Variants in KIF17 observed in about 807,000 individuals in gnomAD.
KIF17 encodes kinesin family member 17, also known as kinesin-like protein KIF17.
KIF17 carries 80 observed loss-of-function variants against 96.8 expected under a neutral mutation model. The ratio of observed to expected loss-of-function variants is 0.83; its 90% CI spans 0.69 to 1.00. The LOEUF (loss-of-function observed/expected upper bound fraction) is 1.00. Among genes scored for constraint, KIF17 ranks in the 50% least tolerant of loss-of-function variants. KIF17 has a pLI of 0.00. For missense variants in KIF17, 1,280 were observed against 1,372.9 expected, an observed-to-expected ratio of 0.93 and a Z score of 1.07; for synonymous variants, 567 against 587.5, an observed-to-expected ratio of 0.97 and a Z score of 0.51.
At chr1:20,712,462 G>A (rs1176966050) in intron 3 of KIF17, among the ~76,000 whole-genome samples, 9 of 148,596 alleles carry the variant, frequency 6.1e-5, no homozygotes, top group East Asian at 2.0e-4. Flanking sequence ...TACCGGGGGC[G>A]CTGAGGTGGA....
intron 4 of KIF17, among the ~76,000 whole-genome samples, chr1:20,705,148 G>A (rs1291041591): frequency 6.6e-6 from 1 of 152,204 alleles, no homozygotes; most frequent in African/African-American, 2.4e-5. Flanking sequence ...AGAACCCAGG[G>A]CAGGCTGTCT....
intron 4 of KIF17, among the ~76,000 whole-genome samples, chr1:20,708,178 C>G (rs1308287891): frequency 6.6e-6 from 1 of 152,148 alleles, no homozygotes; most frequent in African/African-American, 2.4e-5. Flanking sequence ...AGTATTGAGG[C>G]TGTGACCACT....
chr1:20,714,959 C>T (rs1397293340), intron 2 of KIF17, among the ~76,000 whole-genome samples: 5 of 152,180 alleles, frequency 3.3e-5, no homozygotes, highest in Non-Finnish European at 7.3e-5. Flanking sequence ...TCAGGGTTGT[C>T]CCCATCCGCC....
chr1:20,687,656 T>C lies in KIF17; in HGVS notation c.1670A>G (p.Glu557Gly). The change falls in exon 8 of 15, where the codon GAG becomes GGG. Residue 557 changes from glutamate to glycine, a missense_variant. Coordinates refer to ENST00000400463, the MANE Select transcript of KIF17 (RefSeq NM_001122819.3). The surrounding 1 kb of genome is among the most constrained non-coding windows in gnomAD (Gnocchi z 4.4). Reference sequence around the variant, plus strand: ...GGAGACCTCCACGTTGGAGGGCTCCTCAGGCCCAGGGAAAGCCTCGGACAC... The same window carrying C: ...GGAGACCTCCACGTTGGAGGGCTCCCCAGGCCCAGGGAAAGCCTCGGACAC... ...TSVSEAFPGP[E>G]EPSNVEVSMP... The C allele has an allele frequency of 6.2e-7, 1 of 1,614,158 alleles. No homozygotes were observed. The highest frequency in any genetic ancestry group is 1.1e-5 in the South Asian group (1 of 91,086).
At chr1:20,680,295 CA>C (rs1416524129) in intron 11 of KIF17, among the ~76,000 whole-genome samples, 2 of 152,122 alleles carry the variant, frequency 1.3e-5, no homozygotes, top group Non-Finnish European at 2.9e-5. Context: ...ACAAAGTAAA[CA>C]GAAAAGAACA....
Position 20,704,844 on chromosome 1 carries a change from C to G in KIF17, c.726G>C (p.Ala242=). The part of the protein sequence containing the change: ...RAGKLNLVDL[A]GSERQSKTGA... Reference sequence around the variant, plus strand: ...CGGTCTTGGACTGCCGCTCGCTGCCCGCCAGGTCCACCAGGTTCAGCTTGC... The same window carrying G: ...CGGTCTTGGACTGCCGCTCGCTGCCGGCCAGGTCCACCAGGTTCAGCTTGC... The change falls in exon 5 of 15, where the codon GCG becomes GCC. Residue 242 remains alanine, a synonymous_variant. Coordinates refer to ENST00000400463, the MANE Select transcript of KIF17 (RefSeq NM_001122819.3). The surrounding 1 kb of genome is among the most constrained non-coding windows in gnomAD (Gnocchi z 6.8). 6.2e-7 allele frequency: 1 copy of G among 1,604,568 alleles called. No individual in the cohort carries two copies. The highest frequency in any genetic ancestry group is 1.1e-5 in the South Asian group (1 of 91,072).
At position 20,699,021 on chromosome 1, in the gene KIF17, C is replaced by T. The variant is rs181569820; in HGVS notation, c.1124-533G>A. On this transcript the variant is annotated intron_variant, in intron 5 of 14. Transcript: ENST00000400463. This position sits in a 1 kb window ranked among gnomAD's most constrained non-coding sequence, Gnocchi z 4.3. ...CCGGAGTGCAGTGGTGGGATTATAA[C>T]TCACTGAGGCCTCAAATTCCTGGGC... 2.1e-3 allele frequency among the ~76,000 whole-genome samples: 320 copies of T among 152,254 alleles called. 1 individual carries two copies. Among genetic ancestry groups the T allele is most frequent in the Middle Eastern group, 6.8e-3 (2 of 294 alleles).
At chr1:20,688,284 G>A (rs957893802) in intron 7 of KIF17, among the ~76,000 whole-genome samples, 93 of 152,038 alleles carry the variant, frequency 6.1e-4, no homozygotes, top group African/African-American at 2.1e-3. Context: ...TCCTGACCTC[G>A]TGATCCGCCC....
chr1:20,682,611 T>C, intron 11 of KIF17, 42 bp downstream of exon 11: 2 of 1,577,726 alleles, frequency 1.3e-6, no homozygotes, highest in African/African-American at 1.3e-5. Context: ...GTCTCACCCA[T>C]CTCTGGGCAG....
Position 20,690,352 on chromosome 1 carries a change from G to GGCCGCC in KIF17, c.1234-18_1234-17insGGCGGC. On this transcript the variant is annotated splice_polypyrimidine_tract_variant and intron_variant, in intron 6 of 14. Coordinates refer to ENST00000400463, the MANE Select transcript of KIF17 (RefSeq NM_001122819.3). Reference sequence around the variant, plus strand: ...TTCATACTCCTGGGGGGGTGGGAGGGACCAGAGGGCAGGCAGCATTTTATC... The same window carrying GGCCGCC: ...TTCATACTCCTGGGGGGGTGGGAGGGGCCGCCACCAGAGGGCAGGCAGCATTTTATC... 4 of 451,158 alleles carry GGCCGCC rather than the reference G, an allele frequency of 8.9e-6. No homozygotes were observed. Among genetic ancestry groups the GGCCGCC allele is most frequent in the Non-Finnish European group, 1.7e-5 (4 of 235,138 alleles). 27.9% of individuals were successfully genotyped at this position (451,158 alleles called of 1,614,324 possible). A position where few individuals can be genotyped will look rare whatever the true frequency, so the allele number is the denominator to read the frequency against.
At chr1:20,691,906 C>G (rs927134693) in intron 6 of KIF17, among the ~76,000 whole-genome samples, 1 of 152,174 alleles carries the variant, frequency 6.6e-6, no homozygotes, top group Non-Finnish European at 1.5e-5. Context: ...CCATCAATGA[C>G]AAAATATGTT....
chr1:20,682,770 C>T lies in KIF17; in HGVS notation c.2346G>A (p.Val782=), dbSNP rs1381007251. The T allele has an allele frequency of 1.2e-6, 2 of 1,613,028 alleles. No homozygotes were observed. Among genetic ancestry groups the T allele is most frequent in the Non-Finnish European group, 1.7e-6 (2 of 1,180,024 alleles). The part of the protein sequence containing the change: ...RYADERRKQL[V]AALQNSDEDS... ...CCTCATCCGAGTTCTGCAGGGCAGC[C>T]ACCAGCTGCTTCCTGCGCTCGTCTG... Residue 782 remains valine, a synonymous_variant, in exon 11 of 15, where the codon GTG becomes GTA. Transcript: ENST00000400463.
Position 20,704,406 on chromosome 1 carries a change from G to A in KIF17, c.1123+41C>T, listed in dbSNP as rs1304043183. On this transcript the variant is annotated intron_variant, in intron 5 of 14. Coordinates refer to ENST00000400463, the MANE Select transcript of KIF17 (RefSeq NM_001122819.3). The surrounding 1 kb of genome is among the most constrained non-coding windows in gnomAD (Gnocchi z 6.8). ...GACAGAGGGAAGGAAGCTTTCTCCT[G>A]GGGACCTGGCCCTCCCGCCACTACC... 1 of 1,527,726 alleles carries A rather than the reference G, an allele frequency of 6.5e-7. No homozygotes were observed. Among genetic ancestry groups the A allele is most frequent in the East Asian group, 2.3e-5 (1 of 43,668 alleles). The allele number at this position is 1,527,726 out of a possible 1,614,324, so 94.6% of individuals were successfully genotyped here. A position where few individuals can be genotyped will look rare whatever the true frequency, so the allele number is the denominator to read the frequency against.
chr1:20,664,895 G>A, intron 14 of KIF17, 133 bp from the exon 15 acceptor site: 1 of 844,262 alleles, frequency 1.2e-6, no homozygotes, highest in Non-Finnish European at 2.0e-6. Flanking sequence ...CCCTGGCCCT[G>A]CAGCTGGGAC....
intron 11 of KIF17, among the ~76,000 whole-genome samples, chr1:20,679,276 G>A (rs544884604): frequency 9.7e-4 from 148 of 152,204 alleles, no homozygotes; most frequent in African/African-American, 3.4e-3. Context: ...TTTGAGACCA[G>A]CCTGGGTAAC....
In KIF17 at chr1:20,685,361, T is replaced by TC. The variant is rs1409702792; in HGVS notation, c.2020-342dup. 8.8e-6 allele frequency: 4 copies of TC among 456,530 alleles called. No individual in the cohort carries two copies. The East Asian group carries it at 2.0e-4, about 23-fold the overall frequency. The allele number at this position is 456,530 out of a possible 1,614,324, so 28.3% of individuals were successfully genotyped here. On this transcript the variant is annotated intron_variant, in intron 9 of 14. Transcript: ENST00000400463. This position sits in a 1 kb window ranked among gnomAD's most constrained non-coding sequence, Gnocchi z 4.1. ...ACTTCCCGTCACGTTCGCAGGAAAG[T>TC]CCACTTTCCTCCCTGCCGGCTCCCT...
At chr1:20,684,088 A>C (rs2053883581) in intron 10 of KIF17, among the ~76,000 whole-genome samples, 1 of 152,240 alleles carries the variant, frequency 6.6e-6, no homozygotes, top group Admixed American at 6.5e-5. Flanking sequence ...ATGGGCAGTG[A>C]AGGCACAGAG....
intron 12 of KIF17, among the ~76,000 whole-genome samples, chr1:20,671,120 C>T (rs938535070): frequency 6.6e-6 from 1 of 152,130 alleles, no homozygotes; most frequent in Non-Finnish European, 1.5e-5. Context: ...GATCCATGGT[C>T]CTCCCACTCA....
intron 10 of KIF17, 149 bp from the exon 11 acceptor site, chr1:20,683,033 A>T: frequency 1.5e-6 from 1 of 668,840 alleles, no homozygotes; most frequent in Non-Finnish European, 2.6e-6. Context: ...CGGCGACAGG[A>T]CGCTGCTTGC....
Sources: allele counts gnomAD v4.1 joint callset (sites outside exome capture counted in the v4.1 genomes callset), GRCh38; gene constraint gnomAD v4.1.1; non-coding constraint Gnocchi (gnomAD v3.1); transcripts MANE v1.5; gene names NCBI Gene and HGNC (gene_info 2026-07-23, HGNC 2026-07-21).